The following LURAP1L variants were observed in gnomAD, a reference collection of about 807,000 sequenced individuals.
LURAP1L encodes the protein leucine rich adaptor protein 1-like.
Under a neutral mutation model 13.8 loss-of-function variants are expected in LURAP1L, and 12 were observed. The observed-to-expected ratio is 0.87, with a 90% CI of 0.56 to 1.41. The LOEUF (loss-of-function observed/expected upper bound fraction) is 1.41, where lower values mean the gene tolerates loss of function less well. Among genes scored for constraint, LURAP1L ranks in the 40% most tolerant of loss-of-function variants. The pLI is 0.00. For missense variants in LURAP1L, 375 were observed against 292.9 expected, an observed-to-expected ratio of 1.28 and a Z score of -2.04; for synonymous variants, 139 against 119.2, an observed-to-expected ratio of 1.17 and a Z score of -1.08.
chr9:12,777,246 C>CTGGAAAGTG lies in LURAP1L; in HGVS notation c.312+1220_312+1228dup, dbSNP rs1383970690. ...AACCCTTAGGTACATAATGGAGAAGCTGGAAAGTGGAAGTCATCTTGATGA... is the reference window on the plus strand; with the variant it reads ...AACCCTTAGGTACATAATGGAGAAGCTGGAAAGTGTGGAAAGTGGAAGTCATCTTGATGA... On this transcript the variant is annotated intron_variant, in intron 1 of 1. Coordinates refer to ENST00000319264, the MANE Select transcript of LURAP1L (RefSeq NM_203403.2). The CTGGAAAGTG allele has an allele frequency of 9.1e-6, 9 of 985,040 alleles. No individual in the cohort carries two copies. In the Admixed American group the frequency reaches 5.5e-4, roughly 61 times the overall value. The allele number at this position is 985,040 out of a possible 1,614,324, so 61.0% of individuals were successfully genotyped here. A position where few individuals can be genotyped will look rare whatever the true frequency, so the allele number is the denominator to read the frequency against.
At chr9:12,801,148 T>G (rs1478086706) in intron 1 of LURAP1L, among the ~76,000 whole-genome samples, 1 of 152,128 alleles carries the variant, frequency 6.6e-6, no homozygotes, top group Non-Finnish European at 1.5e-5. Context: ...CAGTGAGTTG[T>G]ATAAGCAGAG....
intron 1 of LURAP1L, among the ~76,000 whole-genome samples, chr9:12,791,148 T>C (rs1325127965): frequency 6.6e-6 from 1 of 152,090 alleles, no homozygotes; most frequent in Non-Finnish European, 1.5e-5. Context: ...AGTGTTCACA[T>C]AAGTAAGATG....
chr9:12,784,948 C>G (rs1054856408), intron 1 of LURAP1L, among the ~76,000 whole-genome samples: 1 of 151,894 alleles, frequency 6.6e-6, no homozygotes, highest in African/African-American at 2.4e-5. Context: ...CTTTTTTACT[C>G]TCCTCTCTTA....
chr9:12,786,709 C>T (rs1003884935), intron 1 of LURAP1L, among the ~76,000 whole-genome samples: 1 of 151,076 alleles, frequency 6.6e-6, no homozygotes, highest in African/African-American at 2.4e-5. Flanking sequence ...AGAGATCAGA[C>T]ATCATCAGAA....
At chr9:12,785,118 G>T (rs1819331634) in intron 1 of LURAP1L, among the ~76,000 whole-genome samples, 1 of 152,074 alleles carries the variant, frequency 6.6e-6, no homozygotes, top group South Asian at 2.1e-4. Flanking sequence ...AGGGCAGCGG[G>T]TTCCCTTCTG....
In LURAP1L at chr9:12,775,591, C is replaced by G. The variant is rs1819158747; in HGVS notation, c.-125C>G. 12 of 1,419,994 alleles carry G rather than the reference C, an allele frequency of 8.5e-6. No individual in the cohort carries two copies. Among genetic ancestry groups the G allele is most frequent in the Middle Eastern group, 2.6e-4 (1 of 3,844 alleles). The allele number at this position is 1,419,994 out of a possible 1,614,324, so 88.0% of individuals were successfully genotyped here. On this transcript the variant is annotated 5_prime_UTR_variant, in exon 1 of 2. Coordinates refer to ENST00000319264, the MANE Select transcript of LURAP1L (RefSeq NM_203403.2). ...GGCGGTTATGGAAAGGACGGTACACCGGAGCGGCGGAGGATAGAGACCCTG... is the reference window on the plus strand; with the variant it reads ...GGCGGTTATGGAAAGGACGGTACACGGGAGCGGCGGAGGATAGAGACCCTG...
At chr9:12,818,201 T>G (rs1019330289) in intron 1 of LURAP1L, among the ~76,000 whole-genome samples, 1 of 152,100 alleles carries the variant, frequency 6.6e-6, no homozygotes, top group Non-Finnish European at 1.5e-5. Context: ...TTTTGTTACT[T>G]CATAGTCCAC....
At chr9:12,810,001 A>T (rs1167582304) in intron 1 of LURAP1L, among the ~76,000 whole-genome samples, 1 of 152,186 alleles carries the variant, frequency 6.6e-6, no homozygotes, top group Non-Finnish European at 1.5e-5. Context: ...ATTAAGTCTC[A>T]GTCTTTTAGC....
At chr9:12,786,544 T>TATATATATATA in intron 1 of LURAP1L, among the ~76,000 whole-genome samples, 2 of 19,282 alleles carry the variant, frequency 1.0e-4, no homozygotes, top group African/African-American at 6.2e-4. Context: ...TGTATATATA[T>TATATATATATA]GACATATATA....
chr9:12,803,894 C>T (rs1819620547), intron 1 of LURAP1L, among the ~76,000 whole-genome samples: 1 of 152,100 alleles, frequency 6.6e-6, no homozygotes, highest in Admixed American at 6.5e-5. Context: ...AAAATGTAAA[C>T]AGCTACATGA....
rs1409622 is a variant in LURAP1L, at chr9:12,801,613, T to C, written c.313-19773T>C. Among the ~76,000 whole-genome samples, 551 of 152,336 alleles carry C rather than the reference T, an allele frequency of 3.6e-3. 7 individuals carry two copies. Among genetic ancestry groups the C allele is most frequent in the African/African-American group, 0.013 (538 of 41,588 alleles). Reference sequence around the variant, plus strand: ...AAAACATTTTTAAATGGACAAATGATAAATTTAAAACAGTATGTTTAGGAA... The same window carrying C: ...AAAACATTTTTAAATGGACAAATGACAAATTTAAAACAGTATGTTTAGGAA... On this transcript the variant is annotated intron_variant, in intron 1 of 1. Transcript: ENST00000319264.
intron 1 of LURAP1L, among the ~76,000 whole-genome samples, chr9:12,791,934 A>G (rs953997752): frequency 6.6e-6 from 1 of 152,036 alleles, no homozygotes; most frequent in African/African-American, 2.4e-5. Flanking sequence ...TCCTAGGAAT[A>G]TTTTTCGACA....
intron 1 of LURAP1L, among the ~76,000 whole-genome samples, chr9:12,779,368 AG>A (rs1819237974): frequency 7.7e-6 from 1 of 129,644 alleles, no homozygotes; most frequent in Non-Finnish European, 1.5e-5. Context: ...TCCGCCTCCC[AG>A]GTTCAGGCCA....
intron 1 of LURAP1L, among the ~76,000 whole-genome samples, chr9:12,798,574 T>C (rs1819540455): frequency 6.6e-6 from 1 of 152,212 alleles, no homozygotes; most frequent in African/African-American, 2.4e-5. Context: ...GACCCATCTG[T>C]TGCCATATGC....
chr9:12,777,794 G>C (rs1819212386), intron 1 of LURAP1L, among the ~76,000 whole-genome samples: 1 of 152,164 alleles, frequency 6.6e-6, no homozygotes, highest in Non-Finnish European at 1.5e-5. Flanking sequence ...GCACAACCAT[G>C]TTGTCCTGTA....
At chr9:12,779,064 C>G (rs1819231373) in intron 1 of LURAP1L, among the ~76,000 whole-genome samples, 4 of 151,472 alleles carry the variant, frequency 2.6e-5, no homozygotes, top group Admixed American at 2.6e-4. Context: ...ATGTGAATGT[C>G]TCTCTCTCTC....
chr9:12,777,849 A>G (rs1819213234), intron 1 of LURAP1L, among the ~76,000 whole-genome samples: 1 of 152,166 alleles, frequency 6.6e-6, no homozygotes. Context: ...GATGATGTTT[A>G]TTTCCATGGT....
At position 12,775,200 on chromosome 9, in the gene LURAP1L, A is replaced by G. The variant is rs1586871085; in HGVS notation, c.-516A>G. 3.3e-5 allele frequency: 5 copies of G among 152,710 alleles called. No individual in the cohort carries two copies. The highest frequency in any genetic ancestry group is 3.3e-4 in the Admixed American group (5 of 15,304). 9.5% of individuals were successfully genotyped at this position (152,710 alleles called of 1,614,324 possible). A position where few individuals can be genotyped will look rare whatever the true frequency, so the allele number is the denominator to read the frequency against. ...CAGGATATCCCGAAAGCTTGGAGGC[A>G]TATGGCTGGAAAATGAAACGACCCA... On this transcript the variant is annotated 5_prime_UTR_variant, in exon 1 of 2. Coordinates refer to ENST00000319264, the MANE Select transcript of LURAP1L (RefSeq NM_203403.2).
intron 1 of LURAP1L, among the ~76,000 whole-genome samples, chr9:12,817,927 G>C (rs572818781): frequency 6.6e-6 from 1 of 152,284 alleles, no homozygotes; most frequent in South Asian, 2.1e-4. Context: ...TGGAGCTCCT[G>C]GTAATGGACC....
Sources: gnomAD v4.1 joint callset for allele counts (sites outside exome capture counted in the v4.1 genomes callset) on GRCh38, gnomAD v4.1.1 for gene constraint, MANE v1.5 for transcripts, NCBI Gene and HGNC (gene_info 2026-07-23, HGNC 2026-07-21) for gene names.